Variants in ORC4 observed in about 807,000 individuals in gnomAD.
ORC4 encodes origin recognition complex, subunit 4 homolog.
In ORC4, 55 loss-of-function variants were observed where a neutral mutation model predicts 63.9. That is an observed-to-expected ratio of 0.86 (90% CI 0.69 to 1.08). ORC4 has a LOEUF of 1.08. Ranked by LOEUF, ORC4 falls within the 50% of genes least tolerant of loss-of-function variation. The pLI, the probability that ORC4 is intolerant of heterozygous loss-of-function variation, is 0.00. For missense variants in ORC4, 511 were observed against 504.4 expected (o/e 1.01, Z -0.13); for synonymous variants, 150 against 168.5 (o/e 0.89, Z 0.85).
chr2:148,003,222 A>G (rs1240553221), intron 1 of ORC4, among the ~76,000 whole-genome samples: 1 of 152,206 alleles, frequency 6.6e-6, no homozygotes, highest in Non-Finnish European at 1.5e-5. Flanking sequence ...AAACTATTCC[A>G]AATAAAAGAA....
At chr2:147,951,253 G>A (rs763762881) in intron 8 of ORC4, among the ~76,000 whole-genome samples, 1 of 152,176 alleles carries the variant, frequency 6.6e-6, no homozygotes, top group Non-Finnish European at 1.5e-5. Context: ...CACATCTGCC[G>A]AGAATGGAGG....
chr2:147,971,686 T>C (rs1179390177), intron 4 of ORC4, among the ~76,000 whole-genome samples: 1 of 151,844 alleles, frequency 6.6e-6, no homozygotes, highest in Non-Finnish European at 1.5e-5. Flanking sequence ...TGAATTCAAA[T>C]GCAAAGAAAA....
intron 1 of ORC4, among the ~76,000 whole-genome samples, chr2:147,995,216 C>T (rs556561843): frequency 1.6e-4 from 25 of 151,642 alleles, no homozygotes; most frequent in Non-Finnish European, 3.1e-4. Flanking sequence ...TCTATAAAAA[C>T]GCACCAATCA....
At chr2:148,004,982 G>A (rs1055869906) in intron 1 of ORC4, among the ~76,000 whole-genome samples, 14 of 152,188 alleles carry the variant, frequency 9.2e-5, no homozygotes, top group African/African-American at 3.4e-4. Flanking sequence ...TTAAACCATT[G>A]TGGAAGACAA....
chr2:148,005,196 C>T (rs1387661329), intron 1 of ORC4, among the ~76,000 whole-genome samples: 2 of 152,108 alleles, frequency 1.3e-5, no homozygotes, highest in African/African-American at 4.8e-5. Flanking sequence ...GAAAATGTGG[C>T]ACATATACGC....
In ORC4 at chr2:147,931,291, A is replaced by G. The variant is rs1687719293; in HGVS notation, c.*4219T>C. The G allele has an allele frequency of 1.3e-5, 2 of 151,602 alleles. No homozygotes were observed. The highest frequency in any genetic ancestry group is 2.1e-4 in the South Asian group (1 of 4,784). The allele number at this position is 151,602 out of a possible 1,614,324, so 9.4% of individuals were successfully genotyped here. A position where few individuals can be genotyped will look rare whatever the true frequency, so the allele number is the denominator to read the frequency against. On this transcript the variant is annotated 3_prime_UTR_variant, in exon 14 of 14. Coordinates refer to ENST00000392857, the MANE Select transcript of ORC4 (RefSeq NM_181741.4). ...TTTGGGTTGGTTCCAAGTCTTTGCTATTGTGAATAATGCCACAATAAACAT... is the reference window on the plus strand; with the variant it reads ...TTTGGGTTGGTTCCAAGTCTTTGCTGTTGTGAATAATGCCACAATAAACAT...
chr2:147,941,403 A>G (rs1558830108), intron 10 of ORC4, among the ~76,000 whole-genome samples: 1 of 152,066 alleles, frequency 6.6e-6, no homozygotes, highest in Non-Finnish European at 1.5e-5. Context: ...CAAAGCACTT[A>G]CACATATTTA....
In ORC4 at chr2:147,931,193, T is replaced by C. The variant is rs1416834590; in HGVS notation, c.*4317A>G. The C allele has an allele frequency of 5.3e-5, 8 of 151,226 alleles. No homozygotes were observed. The highest frequency in any genetic ancestry group is 1.9e-4 in the African/African-American group (8 of 41,078). 9.4% of individuals were successfully genotyped at this position (151,226 alleles called of 1,614,324 possible). A position where few individuals can be genotyped will look rare whatever the true frequency, so the allele number is the denominator to read the frequency against. ...CCTACAAAGGACATGAACTCATCAT[T>C]TTTTATGGCTGCATAGTATTCCATG... On this transcript the variant is annotated 3_prime_UTR_variant, in exon 14 of 14. Transcript: ENST00000392857.
At position 147,943,852 on chromosome 2, in the gene ORC4, T is replaced by C. The variant is rs138333835; in HGVS notation, c.763-330A>G. Among the ~76,000 whole-genome samples the C allele has an allele frequency of 1.8e-4, 27 of 152,246 alleles. No homozygotes were observed. The East Asian group carries it at 5.2e-3, about 29-fold the overall frequency. On this transcript the variant is annotated intron_variant, in intron 9 of 13. Coordinates refer to ENST00000392857, the MANE Select transcript of ORC4 (RefSeq NM_181741.4). ...AATGCAGCACAAAAACAGAAGTGCA[T>C]GAGTTACTGTACCTAGGGATACAAG...
intron 3 of ORC4, 29 bp downstream of exon 3, chr2:147,973,418 CA>C (rs768230475): frequency 7.5e-7 from 1 of 1,330,216 alleles, no homozygotes; most frequent in South Asian, 1.2e-5. Flanking sequence ...TAAGTAGGTC[CA>C]TAACAGTCAA....
At chr2:148,009,760 T>C (rs1692837562) in intron 1 of ORC4, among the ~76,000 whole-genome samples, 1 of 152,208 alleles carries the variant, frequency 6.6e-6, no homozygotes, top group Non-Finnish European at 1.5e-5. Context: ...AGCCGCAGAA[T>C]ACATTCTTCT....
chr2:147,997,867 C>T (rs1202553289), intron 1 of ORC4, among the ~76,000 whole-genome samples: 3 of 151,972 alleles, frequency 2.0e-5, no homozygotes, highest in African/African-American at 4.8e-5. Context: ...AATTATGATG[C>T]TAAAATTCTA....
intron 1 of ORC4, among the ~76,000 whole-genome samples, chr2:148,002,349 C>A (rs776596614): frequency 2.6e-5 from 4 of 152,076 alleles, no homozygotes; most frequent in Non-Finnish European, 5.9e-5. Flanking sequence ...CTAAAATTGA[C>A]CACATAATTG....
intron 2 of ORC4, among the ~76,000 whole-genome samples, chr2:147,975,139 A>G (rs2105355246): frequency 6.6e-6 from 1 of 152,298 alleles, no homozygotes; most frequent in Non-Finnish European, 1.5e-5. Flanking sequence ...TAAAAACTAC[A>G]TGGAGTTCAG....
chr2:148,011,775 A>C (rs2105466170), intron 1 of ORC4, among the ~76,000 whole-genome samples: 1 of 152,360 alleles, frequency 6.6e-6, no homozygotes, highest in South Asian at 2.1e-4. Context: ...AGAATACAAA[A>C]TCAACACACA....
chr2:148,009,773 T>C (rs1692838443), intron 1 of ORC4, among the ~76,000 whole-genome samples: 1 of 152,192 alleles, frequency 6.6e-6, no homozygotes, highest in Non-Finnish European at 1.5e-5. Flanking sequence ...ATTCTTCTCC[T>C]TAGCACATGG....
intron 4 of ORC4, among the ~76,000 whole-genome samples, chr2:147,970,226 G>A (rs531949388): frequency 1.3e-5 from 2 of 152,168 alleles, no homozygotes; most frequent in African/African-American, 2.4e-5. Context: ...CTCCAAGAAC[G>A]GGAAGACTAA....
chr2:147,962,975 C>T (rs1206630398), intron 4 of ORC4, among the ~76,000 whole-genome samples: 4 of 152,068 alleles, frequency 2.6e-5, no homozygotes, highest in Non-Finnish European at 5.9e-5. Flanking sequence ...GGTGAATACA[C>T]CTCCCACAGG....
At chr2:148,011,717 A>C (rs1481589118) in intron 1 of ORC4, among the ~76,000 whole-genome samples, 1 of 152,188 alleles carries the variant, frequency 6.6e-6, no homozygotes, top group Non-Finnish European at 1.5e-5. Flanking sequence ...TACTAACCTA[A>C]AGACTCCAAC....
Sources: allele counts gnomAD v4.1 joint callset (sites outside exome capture counted in the v4.1 genomes callset), GRCh38; gene constraint gnomAD v4.1.1; transcripts MANE v1.5; gene names NCBI Gene and HGNC (gene_info 2026-07-23, HGNC 2026-07-21).